ARHGEF3: variants seen among roughly 807,000 people sequenced by gnomAD.
ARHGEF3 encodes Rho guanine nucleotide exchange factor 3, also known as 59.8 kDA protein.
In ARHGEF3, 28 loss-of-function variants were observed where a neutral mutation model predicts 63.2. That is an observed-to-expected ratio of 0.44 (90% CI 0.33 to 0.61). The LOEUF is 0.61. Among genes scored for constraint, ARHGEF3 ranks in the 20% least tolerant of loss-of-function variants. ARHGEF3 has a pLI of 0.03. For synonymous variants in ARHGEF3, 266 were observed against 254.2 expected (o/e 1.05, Z -0.44); for missense variants, 533 against 659.3 (o/e 0.81, Z 2.10).
intron 1 of ARHGEF3, among the ~76,000 whole-genome samples, chr3:57,039,348 G>C (rs1704085589): frequency 1.3e-5 from 2 of 152,168 alleles, no homozygotes; most frequent in South Asian, 4.1e-4. Context: ...CTCATATACT[G>C]CTGTTGCTGG....
chr3:56,930,538 C>T (rs922801219), intron 3 of ARHGEF3, among the ~76,000 whole-genome samples: 8 of 152,040 alleles, frequency 5.3e-5, no homozygotes, highest in African/African-American at 1.4e-4. Flanking sequence ...CGAGAACTAC[C>T]GATGTTGAAT....
chr3:57,017,005 GTC>G lies in ARHGEF3; in HGVS notation c.62+18081_62+18082del, dbSNP rs370663400. Among the ~76,000 whole-genome samples the G allele has an allele frequency of 5.8e-3, 742 of 129,004 alleles. 3 individuals carry two copies. Among genetic ancestry groups the G allele is most frequent in the Non-Finnish European group, 7.5e-3 (474 of 63,038 alleles). The allele number at this position is 129,004 out of a possible 152,430, so 84.6% of individuals were successfully genotyped here. ...GGAGAGAGAGGAAAGCTTTCTCTCTGTCTCTCTCTCTCTCTCTCTCTCTCTCT... is the reference window on the plus strand; with the variant it reads ...GGAGAGAGAGGAAAGCTTTCTCTCTGTCTCTCTCTCTCTCTCTCTCTCTCT... On this transcript the variant is annotated intron_variant, in intron 2 of 12. Transcript: ENST00000338458.
chr3:56,967,602 T>C (rs1423256229), intron 2 of ARHGEF3, among the ~76,000 whole-genome samples: 1 of 88,416 alleles, frequency 1.1e-5, no homozygotes, highest in African/African-American at 4.6e-5. Flanking sequence ...AATTATATAT[T>C]ATATATGTTA....
chr3:56,923,058 ATATATATATATAT>A (rs1560053837), intron 3 of ARHGEF3, among the ~76,000 whole-genome samples: 356 of 16,148 alleles, frequency 0.022, 15 homozygotes, highest in African/African-American at 0.044. Flanking sequence ...ATATATATAT[ATATATATATATAT>A]ATATAAATTA....
chr3:56,905,401 C>T (rs184476194), intron 3 of ARHGEF3, among the ~76,000 whole-genome samples: 265 of 152,318 alleles, frequency 1.7e-3, no homozygotes, highest in Non-Finnish European at 2.6e-3. Context: ...GGAAAGCCTT[C>T]CATGCTATGA....
intron 4 of ARHGEF3, among the ~76,000 whole-genome samples, chr3:56,840,292 G>A (rs1307141540): frequency 6.6e-6 from 1 of 152,056 alleles, no homozygotes; most frequent in Admixed American, 6.6e-5. Context: ...AGCATCCAAT[G>A]GTGTATTTAC....
At chr3:56,748,970 C>T (rs1456298071) in intron 6 of ARHGEF3, among the ~76,000 whole-genome samples, 5 of 123,270 alleles carry the variant, frequency 4.1e-5, no homozygotes, top group Non-Finnish European at 7.9e-5. Context: ...TTTCATGGGT[C>T]GAATGGGACT....
At chr3:56,773,582 C>T in intron 2 of ARHGEF3, 127 bp downstream of exon 2, 3 of 786,186 alleles carry the variant, frequency 3.8e-6, no homozygotes, top group Non-Finnish European at 5.8e-6. Context: ...CTCACTTGCA[C>T]TCTTCTATTG....
chr3:56,939,638 C>A (rs1305792085), intron 3 of ARHGEF3, among the ~76,000 whole-genome samples: 2 of 152,202 alleles, frequency 1.3e-5, no homozygotes, highest in East Asian at 3.9e-4. Context: ...TGCTGAATAG[C>A]TTGCCAAACA....
chr3:56,997,942 C>T lies in ARHGEF3; in HGVS notation c.62+37146G>A, dbSNP rs116514811. ...TGAACGTGTGTACAGTTGAAGGCAACGTCACATGCAAGCTCTTCTGGCCTC... is the reference window on the plus strand; with the variant it reads ...TGAACGTGTGTACAGTTGAAGGCAATGTCACATGCAAGCTCTTCTGGCCTC... On this transcript the variant is annotated intron_variant, in intron 2 of 12. Coordinates refer to the ARHGEF3 transcript ENST00000338458. 7.4e-3 allele frequency among the ~76,000 whole-genome samples: 1,132 copies of T among 152,304 alleles called. 10 individuals are homozygous for T. The highest frequency in any genetic ancestry group is 0.011 in the Non-Finnish European group (771 of 68,032).
At chr3:56,762,590 C>G (rs2035481030) in intron 2 of ARHGEF3, among the ~76,000 whole-genome samples, 2 of 152,182 alleles carry the variant, frequency 1.3e-5, no homozygotes, top group South Asian at 4.1e-4. Flanking sequence ...GCCGCCTGTT[C>G]AGCGGAGTCC....
At chr3:56,926,888 G>A (rs1392568011) in intron 3 of ARHGEF3, among the ~76,000 whole-genome samples, 1 of 152,246 alleles carries the variant, frequency 6.6e-6, no homozygotes, top group Non-Finnish European at 1.5e-5. Flanking sequence ...GGAGTCCCCA[G>A]AATGACCCTT....
chr3:56,990,686 C>T (rs1359769400), intron 2 of ARHGEF3, among the ~76,000 whole-genome samples: 1 of 152,156 alleles, frequency 6.6e-6, no homozygotes, highest in African/African-American at 2.4e-5. Context: ...GTAACCAAAG[C>T]CTAAGTCTGG....
At chr3:56,880,311 A>T (rs944547651) in intron 4 of ARHGEF3, among the ~76,000 whole-genome samples, 2 of 152,240 alleles carry the variant, frequency 1.3e-5, no homozygotes, top group Non-Finnish European at 2.9e-5. Flanking sequence ...ATGGTTAAGA[A>T]AAAAGGAAAT....
At chr3:56,742,211 G>A (rs1030058237) in intron 7 of ARHGEF3, among the ~76,000 whole-genome samples, 1 of 151,958 alleles carries the variant, frequency 6.6e-6, no homozygotes, top group Non-Finnish European at 1.5e-5. Context: ...ATAGTGGTGA[G>A]GTGGGGGGAA....
At chr3:56,802,099 C>A, upstream of ARHGEF3, 2 of 981,028 alleles carry the variant, frequency 2.0e-6, no homozygotes, top group Non-Finnish European at 2.7e-6. Context: ...GGGCGTGGGG[C>A]GGTCCCGCGG....
chr3:56,988,798 A>G (rs1387304793), intron 2 of ARHGEF3, among the ~76,000 whole-genome samples: 2 of 152,178 alleles, frequency 1.3e-5, no homozygotes, highest in African/African-American at 4.8e-5. Flanking sequence ...GTGTTTATGC[A>G]ACAGTATGTG....
chr3:56,837,128 C>G (rs994657425), intron 4 of ARHGEF3, among the ~76,000 whole-genome samples: 3 of 152,196 alleles, frequency 2.0e-5, no homozygotes, highest in Middle Eastern at 6.8e-3. Context: ...AGTGAAGAGT[C>G]AGGATCAGAG....
At chr3:56,934,959 T>C (rs1268096719) in intron 3 of ARHGEF3, among the ~76,000 whole-genome samples, 1 of 152,244 alleles carries the variant, frequency 6.6e-6, no homozygotes, top group African/African-American at 2.4e-5. Flanking sequence ...AGAGTCTTTA[T>C]GTCTAGCTCA....
Sources: allele counts gnomAD v4.1 joint callset (sites outside exome capture counted in the v4.1 genomes callset), GRCh38; gene constraint gnomAD v4.1.1; transcripts MANE v1.5; gene names NCBI Gene and HGNC (gene_info 2026-07-23, HGNC 2026-07-21).